Variants in STK33 observed in about 807,000 individuals in gnomAD.
STK33 encodes the protein serine/threonine-protein kinase 33.
STK33 carries 52 observed loss-of-function variants against 58.0 expected under a neutral mutation model. The ratio of observed to expected loss-of-function variants is 0.90; its 90% confidence interval spans 0.72 to 1.13. The LOEUF is 1.13. STK33 is among the 50% of genes most tolerant of loss of function. The pLI is 0.00. For missense variants in STK33, 630 were observed against 604.2 expected, an observed-to-expected ratio of 1.04 and a Z score of -0.45; for synonymous variants, 215 against 200.1, an observed-to-expected ratio of 1.07 and a Z score of -0.63.
chr11:8,487,012 G>C (rs910067443), intron 1 of STK33, among the ~76,000 whole-genome samples: 1 of 152,184 alleles, frequency 6.6e-6, no homozygotes, highest in African/African-American at 2.4e-5. Context: ...AACCAGTTCA[G>C]TTTGGGATGT....
chr11:8,587,605 AAG>A (rs1224911099), intron 1 of STK33, among the ~76,000 whole-genome samples: 3 of 141,448 alleles, frequency 2.1e-5, no homozygotes, highest in Non-Finnish European at 4.7e-5. Flanking sequence ...AAAAAAAAAA[AAG>A]ATGAAAAGTT....
chr11:8,414,439 C>CA (rs1318100623), intron 14 of STK33, among the ~76,000 whole-genome samples: 1 of 151,716 alleles, frequency 6.6e-6, no homozygotes, highest in Non-Finnish European at 1.5e-5. Flanking sequence ...AAAATTTAGA[C>CA]AAAAAAATGG....
At chr11:8,383,417 C>A in the STK33 span, among the ~76,000 whole-genome samples, 6 of 152,088 alleles carry the variant, frequency 3.9e-5, no homozygotes, top group African/African-American at 1.4e-4. Context: ...AGGTAGGGAG[C>A]CCCCAACCCC....
At chr11:8,422,360 C>T (rs549606739) in intron 14 of STK33, among the ~76,000 whole-genome samples, 4 of 152,222 alleles carry the variant, frequency 2.6e-5, no homozygotes, top group African/African-American at 7.2e-5. Flanking sequence ...ATCCAACTTG[C>T]TAATAGTATG....
the STK33 span, among the ~76,000 whole-genome samples, chr11:8,345,137 CCCCA>C: frequency 1.3e-5 from 2 of 152,160 alleles, no homozygotes; most frequent in African/African-American, 4.8e-5. Flanking sequence ...GAAGTTGGAT[CCCCA>C]AGGCTCTAAG....
intron 1 of STK33, among the ~76,000 whole-genome samples, chr11:8,517,197 C>T (rs887512155): frequency 6.6e-5 from 10 of 152,154 alleles, no homozygotes; most frequent in Admixed American, 2.6e-4. Flanking sequence ...CTGCAGCCTC[C>T]GCTGGTGATA....
At chr11:8,344,435 G>A in the STK33 span, among the ~76,000 whole-genome samples, 2 of 152,178 alleles carry the variant, frequency 1.3e-5, no homozygotes, top group African/African-American at 2.4e-5. Context: ...CATACTAGGT[G>A]CCAATATTAG....
rs551961376 is a variant in STK33, at chr11:8,432,943, C to G, written c.1146+2551G>C. Among the ~76,000 whole-genome samples, 29 of 152,212 alleles carry G rather than the reference C, an allele frequency of 1.9e-4. 1 individual carries two copies. The East Asian group carries it at 5.4e-3, about 28-fold the overall frequency. ...TACAGAGGCTCAAAAATGGAGACTA[C>G]TAGAAAAATGACCAAAGCCAGAAAT... On this transcript the variant is annotated intron_variant, in intron 14 of 15. Transcript: ENST00000687296.
At chr11:8,422,102 G>A (rs181069914) in intron 14 of STK33, among the ~76,000 whole-genome samples, 8 of 152,078 alleles carry the variant, frequency 5.3e-5, no homozygotes, top group East Asian at 1.9e-4. Context: ...AATCCTTCTC[G>A]CATTTCCTAT....
chr11:8,382,848 C>A, the STK33 span, among the ~76,000 whole-genome samples: 1 of 152,188 alleles, frequency 6.6e-6, no homozygotes, highest in Non-Finnish European at 1.5e-5. Context: ...CCTGGATAAT[C>A]TCAGGGCTCT....
At chr11:8,453,815 G>A (rs576583471) in intron 10 of STK33, among the ~76,000 whole-genome samples, 18 of 152,308 alleles carry the variant, frequency 1.2e-4, no homozygotes, top group African/African-American at 4.1e-4. Context: ...TTTCTAAACA[G>A]ATGAATCAAT....
chr11:8,393,919 G>C (rs908673005), intron 15 of STK33, among the ~76,000 whole-genome samples: 2 of 152,124 alleles, frequency 1.3e-5, no homozygotes, highest in African/African-American at 4.8e-5. Flanking sequence ...CCTGATGTTT[G>C]CTTGCTGAAG....
intron 15 of STK33, among the ~76,000 whole-genome samples, chr11:8,404,834 A>G (rs1938801073): frequency 1.3e-5 from 2 of 152,238 alleles, no homozygotes; most frequent in Admixed American, 6.5e-5. Context: ...TGGTAAATGA[A>G]TGCTTAACCT....
At chr11:8,519,925 C>A (rs1477746748) in intron 1 of STK33, among the ~76,000 whole-genome samples, 1 of 152,178 alleles carries the variant, frequency 6.6e-6, no homozygotes, top group Non-Finnish European at 1.5e-5. Context: ...CAAAGAGGAG[C>A]TGGTACCATT....
chr11:8,468,959 T>C (rs11041938), intron 6 of STK33, among the ~76,000 whole-genome samples: 8,714 of 152,190 alleles, frequency 0.057, 447 homozygotes, highest in African/African-American at 0.15. Flanking sequence ...AAATGCTGCA[T>C]TGCAAAAAAA....
intron 1 of STK33, among the ~76,000 whole-genome samples, chr11:8,487,039 C>T (rs534994898): frequency 9.9e-5 from 15 of 152,126 alleles, no homozygotes; most frequent in Non-Finnish European, 2.2e-4. Context: ...TTTGCTTTGT[C>T]TTAATTACAC....
chr11:8,527,399 G>A (rs912186747), intron 1 of STK33, among the ~76,000 whole-genome samples: 2 of 152,056 alleles, frequency 1.3e-5, no homozygotes, highest in Non-Finnish European at 2.9e-5. Context: ...TGTTCGCTTT[G>A]TGATAAATCA....
At chr11:8,536,621 T>G (rs908929300) in intron 1 of STK33, among the ~76,000 whole-genome samples, 15 of 152,228 alleles carry the variant, frequency 9.9e-5, no homozygotes, top group Non-Finnish European at 1.8e-4. Flanking sequence ...ACAACTGAAG[T>G]AGAATTTAGT....
intron 5 of STK33, among the ~76,000 whole-genome samples, chr11:8,474,223 C>G (rs1231486461): frequency 2.6e-5 from 4 of 151,776 alleles, no homozygotes; most frequent in African/African-American, 9.7e-5. Flanking sequence ...AATTGGGTAG[C>G]CATAGATTAT....
Sources: allele counts gnomAD v4.1 joint callset (sites outside exome capture counted in the v4.1 genomes callset), GRCh38; gene constraint gnomAD v4.1.1; transcripts MANE v1.5; gene names NCBI Gene and HGNC (gene_info 2026-07-23, HGNC 2026-07-21).